The following PCDHGA7 variants were observed in gnomAD, a reference collection of about 807,000 sequenced individuals.
PCDHGA7 encodes protocadherin gamma subfamily A, 7, also known as protocadherin gamma-A7.
In PCDHGA7, 44 loss-of-function variants were observed where a neutral mutation model predicts 58.3. That is an observed-to-expected ratio of 0.75 (90% CI 0.59 to 0.97). The LOEUF is 0.97. PCDHGA7 is among the 50% of genes least tolerant of loss of function. PCDHGA7 has a pLI of 0.00. For missense variants in PCDHGA7, 1,266 were observed against 1,188.7 expected, an observed-to-expected ratio of 1.06 and a Z score of -0.96; for synonymous variants, 516 against 504.2, an observed-to-expected ratio of 1.02 and a Z score of -0.31.
chr5:141,383,700 C>G lies in PCDHGA7; in HGVS notation c.801C>G (p.Ile267Met). ...CAAGACTGCTCACGGTACATGCTAT[C>G]GACCTGGACGAGGGAGTCAATGGGG... is the stretch of plus-strand genomic sequence containing the variant. ...VGTRLLTVHA[I>M]DLDEGVNGEV... is the part of the protein sequence containing the mutation. Residue 267 changes from isoleucine to methionine, a missense_variant, in exon 1 of 4, where the codon ATC becomes ATG. Coordinates refer to ENST00000518325, the MANE Select transcript of PCDHGA7 (RefSeq NM_018920.4). 1 of 1,613,936 alleles carries G rather than the reference C, an allele frequency of 6.2e-7. No homozygotes were observed. Among genetic ancestry groups the G allele is most frequent in the South Asian group, 1.1e-5 (1 of 91,070 alleles).
At chr5:141,419,722 G>A (rs1194093167) in intron 1 of PCDHGA7, 2 of 1,613,306 alleles carry the variant, frequency 1.2e-6, no homozygotes, top group Admixed American at 1.7e-5. Context: ...GCCTGGGGCT[G>A]CGAACAGGCG....
intron 2 of PCDHGA7, among the ~76,000 whole-genome samples, chr5:141,495,601 G>A (rs1315613802): frequency 3.3e-5 from 5 of 152,004 alleles, no homozygotes; most frequent in South Asian, 2.1e-4. Context: ...CTTAGCTTCC[G>A]TCTTGATTGC....
rs772962568 is a variant in PCDHGA7, at chr5:141,476,311, G to A, written c.2425-18496G>A. The stretch of plus-strand genomic sequence containing the variant: ...ATCTCGGTAGCCTCTCAGCCCGCAG[G>A]TTCCGGGTGGTGTCTGGAGCTAGCC... On this transcript the variant is annotated intron_variant, in intron 1 of 3. Transcript: ENST00000518325. The surrounding 1 kb of genome is among the most constrained non-coding windows in gnomAD (Gnocchi z 7.6). 13 of 1,613,680 alleles carry A rather than the reference G, an allele frequency of 8.1e-6. No individual in the cohort carries two copies. The African/African-American group carries it at 1.5e-4, about 18-fold the overall frequency.
intron 1 of PCDHGA7, 161 bp from the exon 2 acceptor site, chr5:141,494,646 T>C (rs1324048407): frequency 1.1e-6 from 1 of 935,836 alleles, no homozygotes; most frequent in East Asian, 1.2e-4. Flanking sequence ...AGACCTGAGG[T>C]GTATTTTGTC....
chr5:141,393,905 A>G, intron 1 of PCDHGA7: 1 of 1,614,030 alleles, frequency 6.2e-7, no homozygotes, highest in Non-Finnish European at 8.5e-7. Flanking sequence ...TTCCCGGGAC[A>G]GTAATTGCCT....
intron 3 of PCDHGA7, among the ~76,000 whole-genome samples, chr5:141,506,879 G>T (rs958969109): frequency 6.6e-6 from 1 of 152,172 alleles, no homozygotes; most frequent in Non-Finnish European, 1.5e-5. Flanking sequence ...AGAACCAGGT[G>T]AAATCACAAG....
chr5:141,415,315 G>T (rs201784236), intron 1 of PCDHGA7: 14 of 1,614,208 alleles, frequency 8.7e-6, no homozygotes, highest in African/African-American at 4.0e-5. Context: ...CTTCGTCATC[G>T]TGCTGCTGGC....
At chr5:141,385,552 T>C in intron 1 of PCDHGA7, 2 of 1,315,868 alleles carry the variant, frequency 1.5e-6, no homozygotes, top group Non-Finnish European at 9.7e-7. Flanking sequence ...ACTATCACAT[T>C]TTATAATTTC....
Position 141,486,107 on chromosome 5 carries a change from A to T in PCDHGA7, c.2425-8700A>T, listed in dbSNP as rs758269750. ...TCTTTTGGGGCCCCTAGACTTTGAG[A>T]GTGAGAATTACTATGAATTTGATGT... is the stretch of plus-strand genomic sequence containing the variant. On this transcript the variant is annotated intron_variant, in intron 1 of 3. Transcript: ENST00000518325. The surrounding 1 kb of genome is among the most constrained non-coding windows in gnomAD (Gnocchi z 5.0). The T allele has an allele frequency of 6.2e-7, 1 of 1,614,102 alleles. No individual in the cohort carries two copies. Among genetic ancestry groups the T allele is most frequent in the South Asian group, 1.1e-5 (1 of 91,080 alleles).
intron 1 of PCDHGA7, chr5:141,408,368 C>T: frequency 3.1e-6 from 5 of 1,613,992 alleles, no homozygotes; most frequent in Non-Finnish European, 4.2e-6. Context: ...GGATCTAGGG[C>T]TCAGTGTCCT....
rs781267293 is a variant in PCDHGA7 at position 141,489,926 on chromosome 5, C to T, written c.2425-4881C>T. 1.2e-6 allele frequency: 2 copies of T among 1,614,222 alleles called. No individual in the cohort carries two copies. The highest frequency in any genetic ancestry group is 2.2e-5 in the East Asian group (1 of 44,878). On this transcript the variant is annotated intron_variant, in intron 1 of 3. Coordinates refer to ENST00000518325, the MANE Select transcript of PCDHGA7 (RefSeq NM_018920.4). The surrounding 1 kb of genome is among the most constrained non-coding windows in gnomAD (Gnocchi z 4.5). Reference sequence around the variant, plus strand: ...GCCCGCTCAGGGACCACCCTTATCTCTGTCATCGTGCTGGACATCAATGAT... The same window carrying T: ...GCCCGCTCAGGGACCACCCTTATCTTTGTCATCGTGCTGGACATCAATGAT...
chr5:141,430,108 G>A (rs572634913), intron 1 of PCDHGA7, among the ~76,000 whole-genome samples: 1 of 152,190 alleles, frequency 6.6e-6, no homozygotes, highest in South Asian at 2.1e-4. Context: ...AGCGTTACAT[G>A]TCAACAACCT....
chr5:141,443,307 C>A (rs1447607301), intron 1 of PCDHGA7, among the ~76,000 whole-genome samples: 1 of 136,584 alleles, frequency 7.3e-6, no homozygotes, highest in Non-Finnish European at 1.5e-5. Flanking sequence ...ATGGCAAAAA[C>A]CCATCTCTAC....
intron 1 of PCDHGA7, chr5:141,409,138 A>G (rs2095229593): frequency 1.2e-6 from 2 of 1,614,046 alleles, no homozygotes; most frequent in Non-Finnish European, 1.7e-6. Flanking sequence ...TTGAAGATGT[A>G]GAAAGGTACA....
At chr5:141,423,500 T>A (rs1191111288) in intron 1 of PCDHGA7, 1 of 1,613,732 alleles carries the variant, frequency 6.2e-7, no homozygotes, top group Non-Finnish European at 8.5e-7. Flanking sequence ...TCCCACGAGG[T>A]CTCTCTCATT....
At chr5:141,417,950 GAGCCGATCCGCT>G (rs1361985861) in intron 1 of PCDHGA7, 1 of 1,613,484 alleles carries the variant, frequency 6.2e-7, no homozygotes, top group African/African-American at 1.3e-5. Context: ...CACGCTGTGT[GAGCCGATCCGCT>G]ACTCGATTCC....
At chr5:141,412,163 T>G (rs1005929326) in intron 1 of PCDHGA7, 13 of 152,240 alleles carry the variant, frequency 8.5e-5, no homozygotes, top group African/African-American at 2.9e-4. Flanking sequence ...GAGAAGAGAT[T>G]ATTTATACTG....
chr5:141,414,351 G>C (rs771256149), intron 1 of PCDHGA7: 2 of 1,613,676 alleles, frequency 1.2e-6, no homozygotes, highest in Non-Finnish European at 1.7e-6. Context: ...CCATTTTGGC[G>C]TATCTACCAT....
Position 141,496,980 on chromosome 5 carries a change from G to A in PCDHGA7, c.2483+2115G>A, listed in dbSNP as rs186715298. On this transcript the variant is annotated intron_variant, in intron 2 of 3. Coordinates refer to ENST00000518325, the MANE Select transcript of PCDHGA7 (RefSeq NM_018920.4). ...GTGGGTAGATCACTTGAGGTCAGGG[G>A]TTTGAGACCAGCCTGGCAGCCAACA... Among the ~76,000 whole-genome samples the A allele has an allele frequency of 1.6e-3, 236 of 152,074 alleles. 2 individuals are homozygous for A. Among genetic ancestry groups the A allele is most frequent in the South Asian group, 7.5e-3 (36 of 4,814 alleles).
Sources: allele counts gnomAD v4.1 joint callset (sites outside exome capture counted in the v4.1 genomes callset), GRCh38; gene constraint gnomAD v4.1.1; non-coding constraint Gnocchi (gnomAD v3.1); transcripts MANE v1.5; gene names NCBI Gene and HGNC (gene_info 2026-07-23, HGNC 2026-07-21).